Variants in ANKRD17 observed in about 807,000 individuals in gnomAD.
The protein encoded by ANKRD17 is ankyrin repeat domain 17.
Under a neutral mutation model 229.7 loss-of-function variants are expected in ANKRD17, and 19 were observed. The ratio of observed to expected loss-of-function variants is 0.08; its 90% CI spans 0.06 to 0.12. The LOEUF (loss-of-function observed/expected upper bound fraction) is 0.12. Among genes scored for constraint, ANKRD17 ranks in the 10% least tolerant of loss-of-function variants. The pLI, the probability that ANKRD17 is intolerant of heterozygous loss-of-function variation, is 1.00. For synonymous variants in ANKRD17, 1,112 were observed against 1,146.1 expected, an observed-to-expected ratio of 0.97 and a Z score of 0.60; for missense variants, 2,176 against 3,176.8, an observed-to-expected ratio of 0.68 and a Z score of 7.57.
At chr4:73,101,502 T>C (rs1402416191) in intron 25 of ANKRD17, among the ~76,000 whole-genome samples, 3 of 151,784 alleles carry the variant, frequency 2.0e-5, no homozygotes, top group Admixed American at 2.0e-4. Context: ...CCATCTCTAC[T>C]AAAAATACAA....
chr4:73,217,566 T>G (rs1289098100), intron 1 of ANKRD17, among the ~76,000 whole-genome samples: 12 of 152,152 alleles, frequency 7.9e-5, no homozygotes, highest in South Asian at 2.1e-4. Context: ...CTCACTATGT[T>G]GCTTAGGCTG....
At chr4:73,170,266 G>C (rs1303523357) in intron 2 of ANKRD17, among the ~76,000 whole-genome samples, 1 of 151,992 alleles carries the variant, frequency 6.6e-6, no homozygotes, top group Admixed American at 6.6e-5. Flanking sequence ...AGTCAGATTC[G>C]TGAGGCCCCC....
At chr4:73,177,820 G>C (rs557729957) in intron 1 of ANKRD17, among the ~76,000 whole-genome samples, 10 of 152,074 alleles carry the variant, frequency 6.6e-5, no homozygotes, top group Non-Finnish European at 1.5e-4. Context: ...TATATGTAGG[G>C]TTGAGTGTGA....
At chr4:73,255,826 C>T (rs1337301270) in intron 1 of ANKRD17, among the ~76,000 whole-genome samples, 2 of 152,034 alleles carry the variant, frequency 1.3e-5, no homozygotes, top group Non-Finnish European at 2.9e-5. Flanking sequence ...CGGGTTCAAG[C>T]AATTCTCCTG....
In ANKRD17 at chr4:73,154,156, C is replaced by T. The variant is rs527497794; in HGVS notation, c.1001-43G>A. The T allele has an allele frequency of 3.6e-5, 50 of 1,371,788 alleles. No individual in the cohort carries two copies. In the South Asian group the frequency reaches 8.1e-4, roughly 22 times the overall value. 85.0% of individuals were successfully genotyped at this position (1,371,788 alleles called of 1,614,324 possible). On this transcript the variant is annotated intron_variant, in intron 5 of 33. Transcript: ENST00000358602. Reference sequence around the variant, plus strand: ...AATAAAAAGACATTAACATAAAATACCAAAATAAATTAAAGTGCTAATTTA... The same window carrying T: ...AATAAAAAGACATTAACATAAAATATCAAAATAAATTAAAGTGCTAATTTA...
chr4:73,147,437 A>G lies in ANKRD17; in HGVS notation c.1568-5T>C. The stretch of plus-strand genomic sequence containing the variant: ...TCTGTGCATTGATATTTGCTCCTAA[A>G]ATAAAGATTCTAATTATTTAAAGAA... On this transcript the variant is annotated splice_polypyrimidine_tract_variant and splice_region_variant and intron_variant, in intron 8 of 33. Coordinates refer to ENST00000358602, the MANE Select transcript of ANKRD17 (RefSeq NM_032217.5). 1 of 1,527,466 alleles carries G rather than the reference A, an allele frequency of 6.5e-7. No homozygotes were observed. The highest frequency in any genetic ancestry group is 8.8e-7 in the Non-Finnish European group (1 of 1,139,896). 94.6% of individuals were successfully genotyped at this position (1,527,466 alleles called of 1,614,324 possible). A position where few individuals can be genotyped will look rare whatever the true frequency, so the allele number is the denominator to read the frequency against.
At position 73,097,413 on chromosome 4, in the gene ANKRD17, T is replaced by G. The variant is rs564451423; in HGVS notation, c.5022-141A>C. On this transcript the variant is annotated intron_variant, in intron 26 of 33. Transcript: ENST00000358602. Reference sequence around the variant, plus strand: ...CCTTATTTTTCACTTCTCCTCATATTTAGCATATAATATAGAGAGCCTTTT... The same window carrying G: ...CCTTATTTTTCACTTCTCCTCATATGTAGCATATAATATAGAGAGCCTTTT... The G allele has an allele frequency of 5.6e-6, 4 of 709,348 alleles. No homozygotes were observed. In the South Asian group the frequency reaches 7.3e-5, roughly 13 times the overall value. 43.9% of individuals were successfully genotyped at this position (709,348 alleles called of 1,614,324 possible). A position where few individuals can be genotyped will look rare whatever the true frequency, so the allele number is the denominator to read the frequency against.
intron 1 of ANKRD17, among the ~76,000 whole-genome samples, chr4:73,182,082 AAAAAAAAAAAT>A (rs1735651095): frequency 6.7e-6 from 1 of 149,060 alleles, no homozygotes; most frequent in African/African-American, 2.5e-5. Context: ...AAAAAAAAAA[AAAAAAAAAAAT>A]TTAAAAGAAA....
chr4:73,166,123 T>C (rs541698721), intron 2 of ANKRD17, among the ~76,000 whole-genome samples: 1 of 152,360 alleles, frequency 6.6e-6, no homozygotes, highest in East Asian at 1.9e-4. Context: ...TAATCCATGC[T>C]GTACAGTGAA....
chr4:73,106,878 T>TAAAAAAAAAAAAAAAAAAA (rs35011113), intron 24 of ANKRD17, among the ~76,000 whole-genome samples: 2 of 49,260 alleles, frequency 4.1e-5, no homozygotes, highest in African/African-American at 1.6e-4. Flanking sequence ...ACTCCGTCTT[T>TAAAAAAAAAAAAAAAAAAA]AAAAAAAAAA....
At position 73,139,953 on chromosome 4, in the gene ANKRD17, T is replaced by G; in HGVS notation, c.2663A>C (p.Tyr888Ser). The G allele has an allele frequency of 1.2e-6, 2 of 1,614,206 alleles. No homozygotes were observed. Among genetic ancestry groups the G allele is most frequent in the Non-Finnish European group, 1.7e-6 (2 of 1,180,048 alleles). The stretch of plus-strand genomic sequence containing the variant: ...AATTCTTTGAGCTTTAACCTCTAGA[T>G]ACTGCTTTTTTAGCTGCTGCTGAGT... ...LKTQQQLKKQ[Y>S]LEVKAQRIQL... is the part of the protein sequence containing the mutation. The change falls in exon 15 of 34, where the codon TAT becomes TCT. Residue 888 changes from tyrosine (Y) to serine (S), a missense_variant. Coordinates refer to ENST00000358602, the MANE Select transcript of ANKRD17 (RefSeq NM_032217.5).
At chr4:73,112,771 T>C in intron 24 of ANKRD17, 2 of 769,908 alleles carry the variant, frequency 2.6e-6, no homozygotes, top group Non-Finnish European at 3.2e-6. Flanking sequence ...TTTTATAGCA[T>C]TTTGACCTTT....
rs1215574408 is a variant in ANKRD17, at chr4:73,142,331, A to G, written c.2140T>C (p.Cys714Arg). 1 of 1,583,634 alleles carries G rather than the reference A, an allele frequency of 6.3e-7. No individual in the cohort carries two copies. Among genetic ancestry groups the G allele is most frequent in the Non-Finnish European group, 8.5e-7 (1 of 1,173,330 alleles). ...TTATTAGGATAATCCAAGAGATAGC[A>G]AACAACACTTGTATGGCCACCTTTT... ...AAKGGHTSVV[C>R]YLLDYPNNLL... The change falls in exon 13 of 34, where the codon TGC (cysteine) becomes CGC (arginine). Residue 714 changes from cysteine to arginine, a missense_variant. This residue lies in a region of ANKRD17 where 275 missense variants were observed against 386.9 expected (regional missense o/e 0.71). Transcript: ENST00000358602.
At chr4:73,101,223 T>C in intron 25 of ANKRD17, 1 of 975,498 alleles carries the variant, frequency 1.0e-6, no homozygotes, top group Non-Finnish European at 1.2e-6. Flanking sequence ...CAAATAACCT[T>C]TTGATTATAA....
At chr4:73,205,247 T>A in intron 1 of ANKRD17, among the ~76,000 whole-genome samples, 1 of 152,080 alleles carries the variant, frequency 6.6e-6, no homozygotes. Flanking sequence ...GGATCGCTTG[T>A]GCCCAGGCTA....
chr4:73,179,351 G>T (rs2149001666), intron 1 of ANKRD17, among the ~76,000 whole-genome samples: 2 of 148,030 alleles, frequency 1.4e-5, no homozygotes, highest in African/African-American at 2.5e-5. Flanking sequence ...ACTCCTTATG[G>T]CAAGGAGATA....
chr4:73,111,651 T>G (rs1384546748), intron 24 of ANKRD17, among the ~76,000 whole-genome samples: 1 of 152,218 alleles, frequency 6.6e-6, no homozygotes, highest in East Asian at 1.9e-4. Flanking sequence ...TTATTTGTCG[T>G]GACAAAAAAC....
intron 1 of ANKRD17, among the ~76,000 whole-genome samples, chr4:73,253,782 G>C (rs1269394538): frequency 6.6e-6 from 1 of 152,126 alleles, no homozygotes; most frequent in African/African-American, 2.4e-5. Flanking sequence ...TTAATACTTA[G>C]AGAAGATCAT....
intron 30 of ANKRD17, among the ~76,000 whole-genome samples, chr4:73,081,044 T>C (rs1174276413): frequency 6.6e-6 from 1 of 152,194 alleles, no homozygotes; most frequent in East Asian, 1.9e-4. Flanking sequence ...CTAGTCATAG[T>C]TTTTATCAGA....
Sources: gnomAD v4.1 joint callset for allele counts (sites outside exome capture counted in the v4.1 genomes callset) on GRCh38, gnomAD v4.1.1 for gene constraint, gnomAD v4.1.1 regional missense constraint, MANE v1.5 for transcripts, NCBI Gene and HGNC (gene_info 2026-07-23, HGNC 2026-07-21) for gene names.